The following SEMA4F variants were observed in gnomAD, a reference collection of about 807,000 sequenced individuals.
SEMA4F encodes ssemaphorin 4F, also known as semaphorin-4F.
SEMA4F carries 51 observed loss-of-function variants against 78.4 expected under a neutral mutation model. The observed-to-expected ratio is 0.65, with a 90% CI of 0.52 to 0.82. The LOEUF (loss-of-function observed/expected upper bound fraction) is 0.82, where lower values mean the gene tolerates loss of function less well. Ranked by LOEUF, SEMA4F falls within the 40% of genes least tolerant of loss-of-function variation. The probability of loss-of-function intolerance (pLI) is 0.00; values close to 1 mark genes in which losing one functional copy is unlikely to be tolerated. For synonymous variants in SEMA4F, 418 were observed against 408.7 expected (o/e 1.02, Z -0.27); for missense variants, 938 against 1,014.4 (o/e 0.92, Z 1.02).
the SEMA4F span, among the ~76,000 whole-genome samples, chr2:74,700,925 C>G: frequency 6.6e-6 from 1 of 152,140 alleles, no homozygotes; most frequent in Non-Finnish European, 1.5e-5. Flanking sequence ...TTCAGTTATT[C>G]ATTTGATGCT....
rs879101226 is a variant in SEMA4F at position 74,681,971 on chromosome 2, C to T, written c.*1762C>T. ...CTAGGGACATCAGTTTACTCATCTG[C>T]GAAGTGGGGATAATAAAACCTACCT... On this transcript the variant is annotated 3_prime_UTR_variant, in exon 14 of 14. Transcript: ENST00000357877. 1 of 152,548 alleles carries T rather than the reference C, an allele frequency of 6.6e-6. No homozygotes were observed. 9.4% of individuals were successfully genotyped at this position (152,548 alleles called of 1,614,324 possible). A position where few individuals can be genotyped will look rare whatever the true frequency, so the allele number is the denominator to read the frequency against.
Position 74,654,526 on chromosome 2 carries a change from G to A in SEMA4F, c.145+5G>A, listed in dbSNP as rs1684014603. On this transcript the variant is annotated splice_donor_5th_base_variant and intron_variant, in intron 1 of 13. Coordinates refer to ENST00000357877, the MANE Select transcript of SEMA4F (RefSeq NM_004263.5). ...GAACCTCGCTTCCAATCTCTGGTAAGGCGCGGACGCCCACGCCCTCAGCCC... is the reference window on the plus strand; with the variant it reads ...GAACCTCGCTTCCAATCTCTGGTAAAGCGCGGACGCCCACGCCCTCAGCCC... 6.4e-7 allele frequency: 1 copy of A among 1,551,544 alleles called. No individual in the cohort carries two copies. The highest frequency in any genetic ancestry group is 8.7e-7 in the Non-Finnish European group (1 of 1,150,776).
intron 1 of SEMA4F, among the ~76,000 whole-genome samples, chr2:74,656,111 C>T (rs1194825915): frequency 6.6e-6 from 1 of 151,692 alleles, no homozygotes; most frequent in African/African-American, 2.4e-5. Flanking sequence ...CAGGTTCAAG[C>T]AATTCTCCTG....
the SEMA4F span, among the ~76,000 whole-genome samples, chr2:74,692,531 T>C: frequency 1.3e-5 from 2 of 152,156 alleles, no homozygotes; most frequent in African/African-American, 4.8e-5. Context: ...ATTCACCCAC[T>C]GGGGAGGCAA....
downstream of SEMA4F, among the ~76,000 whole-genome samples, chr2:74,687,554 G>A (rs1473762506): frequency 2.0e-5 from 3 of 152,164 alleles, no homozygotes; most frequent in African/African-American, 7.2e-5. Flanking sequence ...AATATTTATT[G>A]AGTGAATGAA....
chr2:74,675,924 CTGGATTTCTTGCTTACTG>C lies in SEMA4F; in HGVS notation c.1643+18_1643+35del. 1 of 1,600,820 alleles carries C rather than the reference CTGGATTTCTTGCTTACTG, an allele frequency of 6.2e-7. No individual in the cohort carries two copies. The highest frequency in any genetic ancestry group is 2.2e-5 in the East Asian group (1 of 44,676). On this transcript the variant is annotated intron_variant, in intron 12 of 13. Coordinates refer to ENST00000357877, the MANE Select transcript of SEMA4F (RefSeq NM_004263.5). ...GAGCACCGAGGGTGAGTGTAGCTGC[CTGGATTTCTTGCTTACTG>C]TGCCAGGGCTCTGTCCCATCCATAT... is the stretch of plus-strand genomic sequence containing the variant.
rs1277488569 is a variant in SEMA4F at position 74,658,839 on chromosome 2, C to T, written c.456+888C>T. Among the ~76,000 whole-genome samples the T allele has an allele frequency of 6.6e-6, 1 of 152,124 alleles. No homozygotes were observed. Among genetic ancestry groups the T allele is most frequent in the Non-Finnish European group, 1.5e-5 (1 of 68,032 alleles). On this transcript the variant is annotated intron_variant, in intron 4 of 13. Coordinates refer to ENST00000357877, the MANE Select transcript of SEMA4F (RefSeq NM_004263.5). This position sits in a 1 kb window ranked among gnomAD's most constrained non-coding sequence, Gnocchi z 4.3. ...AGCAATAGGAGGGAGTATAACTGCT[C>T]CCTTTTTTGACCTCATCCTTAACTG...
the SEMA4F span, among the ~76,000 whole-genome samples, chr2:74,698,299 G>C: frequency 6.6e-6 from 1 of 152,200 alleles, no homozygotes; most frequent in African/African-American, 2.4e-5. Context: ...GTTTTAAATG[G>C]GGAGAAAGGA....
At chr2:74,685,102 C>T (rs771348208), downstream of SEMA4F, among the ~76,000 whole-genome samples, 2 of 152,208 alleles carry the variant, frequency 1.3e-5, no homozygotes, top group South Asian at 2.1e-4. Flanking sequence ...TCACTCATCC[C>T]TCCTATTGAG....
At chr2:74,678,699 A>G (rs1212801094) in intron 12 of SEMA4F, among the ~76,000 whole-genome samples, 1 of 152,196 alleles carries the variant, frequency 6.6e-6, no homozygotes, top group Non-Finnish European at 1.5e-5. Flanking sequence ...AAGTGACAGG[A>G]CTGTGCCTGG....
At chr2:74,671,018 C>T (rs1558727979) in intron 5 of SEMA4F, among the ~76,000 whole-genome samples, 1 of 152,142 alleles carries the variant, frequency 6.6e-6, no homozygotes. Context: ...TAACCCTTAG[C>T]ACTATTCTGA....
intron 12 of SEMA4F, among the ~76,000 whole-genome samples, chr2:74,676,799 C>T (rs1685313704): frequency 6.6e-6 from 1 of 152,162 alleles, no homozygotes; most frequent in African/African-American, 2.4e-5. Flanking sequence ...TTCCATTTAG[C>T]AGCTTAAAAG....
chr2:74,655,406 G>GTGGACC (rs1213379816), intron 1 of SEMA4F: 2 of 248,836 alleles, frequency 8.0e-6, no homozygotes, highest in Non-Finnish European at 1.8e-5. Flanking sequence ...GAGCATGGCC[G>GTGGACC]TGGACCTTGT....
the SEMA4F span, among the ~76,000 whole-genome samples, chr2:74,704,734 C>A: frequency 6.6e-6 from 1 of 152,100 alleles, no homozygotes; most frequent in Non-Finnish European, 1.5e-5. Flanking sequence ...AATAATGCTC[C>A]CAGCCCTAGC....
At chr2:74,694,384 C>T in the SEMA4F span, among the ~76,000 whole-genome samples, 28 of 152,144 alleles carry the variant, frequency 1.8e-4, no homozygotes, top group Admixed American at 1.6e-3. Flanking sequence ...CTCATTTCAA[C>T]CACACCAAGA....
the SEMA4F span, among the ~76,000 whole-genome samples, chr2:74,691,491 C>G: frequency 6.6e-6 from 1 of 152,150 alleles, no homozygotes; most frequent in African/African-American, 2.4e-5. Context: ...AGGTTTTGTG[C>G]TGAGTGGTAA....
the SEMA4F span, among the ~76,000 whole-genome samples, chr2:74,699,043 G>C: frequency 6.6e-6 from 1 of 151,944 alleles, no homozygotes; most frequent in Admixed American, 6.6e-5. Context: ...CAAACTCCTG[G>C]CCTCATGTGA....
intron 2 of SEMA4F, 151 bp from the exon 3 acceptor site, chr2:74,657,414 G>A: frequency 3.2e-6 from 2 of 623,748 alleles, no homozygotes; most frequent in Non-Finnish European, 5.8e-6. Context: ...CTCATTAATG[G>A]GTGGGGACCT....
intron 4 of SEMA4F, among the ~76,000 whole-genome samples, chr2:74,660,592 A>G (rs1294141160): frequency 6.6e-6 from 1 of 152,260 alleles, no homozygotes; most frequent in African/African-American, 2.4e-5. Flanking sequence ...CAATGATGAT[A>G]CAATGAAGAA....
Sources: allele counts gnomAD v4.1 joint callset (sites outside exome capture counted in the v4.1 genomes callset), GRCh38; gene constraint gnomAD v4.1.1; non-coding constraint Gnocchi (gnomAD v3.1); transcripts MANE v1.5; gene names NCBI Gene and HGNC (gene_info 2026-07-23, HGNC 2026-07-21).